KHDRBS2: variants seen among roughly 807,000 people sequenced by gnomAD.
KHDRBS2 encodes KH RNA binding domain containing, signal transduction associated 2.
KHDRBS2 carries 26 observed loss-of-function variants against 44.3 expected under a neutral mutation model. The observed-to-expected ratio is 0.59, with a 90% CI of 0.43 to 0.81. The LOEUF is 0.81. Ranked by LOEUF, KHDRBS2 falls within the 40% of genes least tolerant of loss-of-function variation. KHDRBS2 has a pLI of 0.00. For missense variants in KHDRBS2, 476 were observed against 433.1 expected (o/e 1.10, Z -0.88); for synonymous variants, 194 against 151.1 (o/e 1.28, Z -2.08).
the KHDRBS2 span, among the ~76,000 whole-genome samples, chr6:61,573,930 A>T: frequency 6.6e-6 from 1 of 152,140 alleles, no homozygotes; most frequent in African/African-American, 2.4e-5. Context: ...TGCTGGTATT[A>T]AAAAAGACAC....
chr6:62,070,197 T>G (rs1172781155), intron 2 of KHDRBS2, among the ~76,000 whole-genome samples: 1 of 151,764 alleles, frequency 6.6e-6, no homozygotes, highest in Non-Finnish European at 1.5e-5. Flanking sequence ...GTGCTGGATT[T>G]GGTTTGTAGT....
intron 6 of KHDRBS2, among the ~76,000 whole-genome samples, chr6:61,787,087 T>C (rs574488314): frequency 6.7e-6 from 1 of 149,988 alleles, no homozygotes; most frequent in African/African-American, 2.4e-5. Context: ...ATTTTCTTTA[T>C]TAAATATTCT....
At chr6:62,119,524 A>G (rs1198553328) in intron 2 of KHDRBS2, among the ~76,000 whole-genome samples, 2 of 152,188 alleles carry the variant, frequency 1.3e-5, no homozygotes, top group Non-Finnish European at 2.9e-5. Context: ...GCTGACCTAC[A>G]ACAAAAGGTG....
intron 2 of KHDRBS2, among the ~76,000 whole-genome samples, chr6:62,064,658 G>C (rs1030874889): frequency 2.0e-5 from 3 of 151,824 alleles, no homozygotes; most frequent in African/African-American, 7.3e-5. Flanking sequence ...TTGAACGTTA[G>C]ACCTAAAACC....
At chr6:62,033,081 A>G (rs79701048) in intron 3 of KHDRBS2, among the ~76,000 whole-genome samples, 3,700 of 151,986 alleles carry the variant, frequency 0.024, 149 homozygotes, top group African/African-American at 0.082. Flanking sequence ...ATACTAAAGA[A>G]TACGTCAGTC....
chr6:61,750,938 T>G (rs1392789572), intron 6 of KHDRBS2, among the ~76,000 whole-genome samples: 1 of 152,030 alleles, frequency 6.6e-6, no homozygotes, highest in Non-Finnish European at 1.5e-5. Flanking sequence ...TGACAAAAAT[T>G]ATCACGATTG....
intron 2 of KHDRBS2, among the ~76,000 whole-genome samples, chr6:62,059,438 G>A (rs979323525): frequency 1.1e-4 from 16 of 151,496 alleles, no homozygotes; most frequent in African/African-American, 3.9e-4. Context: ...GATGACAACA[G>A]AAGAAAGAAA....
chr6:62,088,796 T>A lies in KHDRBS2; in HGVS notation c.220-40802A>T, dbSNP rs114626632. On this transcript the variant is annotated intron_variant, in intron 2 of 8. Coordinates refer to ENST00000281156, the MANE Select transcript of KHDRBS2 (RefSeq NM_152688.4). ...CTTCAGAGCCGGCAGGCAGAAATTT[T>A]AAGTCTGCTGAAGCTGCGACCGTAG... 8.6e-3 allele frequency among the ~76,000 whole-genome samples: 1,307 copies of A among 152,288 alleles called. 19 individuals carry two copies. Among genetic ancestry groups the A allele is most frequent in the African/African-American group, 0.03 (1,237 of 41,572 alleles).
the KHDRBS2 span, among the ~76,000 whole-genome samples, chr6:61,594,256 A>T: frequency 6.7e-6 from 1 of 150,132 alleles, no homozygotes; most frequent in Non-Finnish European, 1.5e-5. Context: ...ACAAAAAAAT[A>T]TAAAAATCAT....
At chr6:61,747,987 C>A (rs1777103714) in intron 6 of KHDRBS2, among the ~76,000 whole-genome samples, 1 of 152,034 alleles carries the variant, frequency 6.6e-6, no homozygotes, top group South Asian at 2.1e-4. Context: ...AGGTTTAGTT[C>A]TGATCCTTAA....
Position 62,129,865 on chromosome 6 carries a change from A to G in KHDRBS2, c.219+47320T>C, listed in dbSNP as rs147992643. On this transcript the variant is annotated intron_variant, in intron 2 of 8. Transcript: ENST00000281156. Reference sequence around the variant, plus strand: ...TTCTAGAATTTTAAGAAAATACCATATAATAAAATTGCAATTATCACCTGT... The same window carrying G: ...TTCTAGAATTTTAAGAAAATACCATGTAATAAAATTGCAATTATCACCTGT... Among the ~76,000 whole-genome samples, 131 of 152,286 alleles carry G rather than the reference A, an allele frequency of 8.6e-4. 1 individual carries two copies. Among genetic ancestry groups the G allele is most frequent in the African/African-American group, 3.0e-3 (124 of 41,564 alleles).
At chr6:61,933,935 AT>A (rs1810553645) in intron 4 of KHDRBS2, among the ~76,000 whole-genome samples, 1 of 152,018 alleles carries the variant, frequency 6.6e-6, no homozygotes, top group African/African-American at 2.4e-5. Context: ...TAAGGGTTCC[AT>A]TTTCTCCATA....
At chr6:62,140,625 A>C (rs1409713593) in intron 2 of KHDRBS2, among the ~76,000 whole-genome samples, 1 of 152,182 alleles carries the variant, frequency 6.6e-6, no homozygotes, top group Non-Finnish European at 1.5e-5. Context: ...TACCATCCAC[A>C]CTTTCCGTTT....
chr6:61,730,574 T>G lies in KHDRBS2; in HGVS notation c.893+2108A>C, dbSNP rs553568336. ...AATAAATGCTATAGAAAAGTAAATA[T>G]ATGGTGCTATTGGAATTCAGGGCAG... On this transcript the variant is annotated intron_variant, in intron 7 of 8. Transcript: ENST00000281156. Among the ~76,000 whole-genome samples, 64 of 152,142 alleles carry G rather than the reference T, an allele frequency of 4.2e-4. No individual in the cohort carries two copies. The South Asian group carries it at 0.012, about 28-fold the overall frequency.
intron 6 of KHDRBS2, among the ~76,000 whole-genome samples, chr6:61,795,822 T>C (rs1785269120): frequency 6.6e-6 from 1 of 152,202 alleles, no homozygotes; most frequent in African/African-American, 2.4e-5. Context: ...AGTTCAATAA[T>C]CTTAATTTTC....
intron 6 of KHDRBS2, among the ~76,000 whole-genome samples, chr6:61,792,180 A>T (rs1186922593): frequency 6.6e-6 from 1 of 151,510 alleles, no homozygotes; most frequent in African/African-American, 2.4e-5. Flanking sequence ...CCTACTTCGT[A>T]AAAAATAAGA....
chr6:61,898,951 G>T (rs984247972), intron 5 of KHDRBS2, among the ~76,000 whole-genome samples: 1 of 151,914 alleles, frequency 6.6e-6, no homozygotes, highest in African/African-American at 2.4e-5. Flanking sequence ...CACTTGATAT[G>T]CATGAAATCA....
intron 1 of KHDRBS2, among the ~76,000 whole-genome samples, chr6:62,188,423 G>A (rs576751967): frequency 6.6e-5 from 10 of 152,174 alleles, no homozygotes; most frequent in South Asian, 4.1e-4. Context: ...TCTGTGACAC[G>A]TAGCATAATG....
the KHDRBS2 span, among the ~76,000 whole-genome samples, chr6:61,605,476 A>G: frequency 6.6e-6 from 1 of 152,132 alleles, no homozygotes; most frequent in Non-Finnish European, 1.5e-5. Context: ...GCACTCTCTA[A>G]TTGGATGTCC....
Sources: gnomAD v4.1 joint callset for allele counts (sites outside exome capture counted in the v4.1 genomes callset) on GRCh38, gnomAD v4.1.1 for gene constraint, MANE v1.5 for transcripts, NCBI Gene and HGNC (gene_info 2026-07-23, HGNC 2026-07-21) for gene names.